The following HLF variants were observed in gnomAD, a reference collection of about 807,000 sequenced individuals.
The protein encoded by HLF is HLF transcription factor, PAR bZIP family member.
Under a neutral mutation model 22.6 loss-of-function variants are expected in HLF, and 3 were observed. The ratio of observed to expected loss-of-function variants is 0.13; its 90% CI spans 0.06 to 0.34. HLF has a LOEUF of 0.34. Ranked by LOEUF, HLF falls within the 10% of genes least tolerant of loss-of-function variation. The pLI is 1.00. For synonymous variants in HLF, 151 were observed against 151.8 expected (o/e 0.99, Z 0.04); for missense variants, 299 against 389.2 (o/e 0.77, Z 1.95).
chr17:55,311,008 G>A (rs1406409540), intron 2 of HLF, among the ~76,000 whole-genome samples: 2 of 152,136 alleles, frequency 1.3e-5, no homozygotes, highest in African/African-American at 4.8e-5. Flanking sequence ...TACTGTGGGT[G>A]TATTCAATAT....
intron 2 of HLF, among the ~76,000 whole-genome samples, chr17:55,305,402 C>T (rs1904499366): frequency 6.6e-6 from 1 of 152,136 alleles, no homozygotes; most frequent in South Asian, 2.1e-4. Flanking sequence ...CTTCCTTGGG[C>T]TCTTGTCCAT....
intron 2 of HLF, among the ~76,000 whole-genome samples, chr17:55,302,435 A>T (rs931886865): frequency 2.6e-5 from 4 of 152,202 alleles, no homozygotes; most frequent in African/African-American, 7.2e-5. Flanking sequence ...AATCCTATTC[A>T]TGTTCATCCA....
Position 55,276,082 on chromosome 17 carries a change from T to G in HLF, c.451+7996T>G, listed in dbSNP as rs956502898. Among the ~76,000 whole-genome samples the G allele has an allele frequency of 1.4e-4, 22 of 152,312 alleles. 1 individual carries two copies. The highest frequency in any genetic ancestry group is 6.8e-3 in the Middle Eastern group (2 of 294). Reference sequence around the variant, plus strand: ...TTGATTGCATCATTACACTCCAGCCTGGGTAACAGAGTGCAACCCTGTATC... The same window carrying G: ...TTGATTGCATCATTACACTCCAGCCGGGGTAACAGAGTGCAACCCTGTATC... On this transcript the variant is annotated intron_variant, in intron 2 of 3. Transcript: ENST00000226067.
At chr17:55,297,946 C>T (rs192237901) in intron 2 of HLF, among the ~76,000 whole-genome samples, 3 of 151,800 alleles carry the variant, frequency 2.0e-5, no homozygotes, top group South Asian at 2.1e-4. Context: ...GACGGAGTTT[C>T]GCCATGTTGG....
In HLF at chr17:55,271,033, G is replaced by C. The variant is rs143371344; in HGVS notation, c.451+2947G>C. Reference sequence around the variant, plus strand: ...TGCAAGTAGGACCCCCAGTGCCCCAGATGTGACAAGTAAAAATGTCTTCAG... The same window carrying C: ...TGCAAGTAGGACCCCCAGTGCCCCACATGTGACAAGTAAAAATGTCTTCAG... On this transcript the variant is annotated intron_variant, in intron 2 of 3. Coordinates refer to ENST00000226067, the MANE Select transcript of HLF (RefSeq NM_002126.5). Among the ~76,000 whole-genome samples the C allele has an allele frequency of 9.2e-5, 14 of 152,296 alleles. 1 individual carries two copies. The East Asian group carries it at 2.7e-3, about 29-fold the overall frequency.
At chr17:55,295,166 C>T (rs1256816698) in intron 2 of HLF, among the ~76,000 whole-genome samples, 1 of 152,110 alleles carries the variant, frequency 6.6e-6, no homozygotes, top group Non-Finnish European at 1.5e-5. Context: ...ATCAGGAAAG[C>T]AAGAATGGCC....
chr17:55,281,282 G>C (rs542260851), intron 2 of HLF, among the ~76,000 whole-genome samples: 1 of 152,278 alleles, frequency 6.6e-6, no homozygotes, highest in South Asian at 2.1e-4. Context: ...GGGAGGCTGA[G>C]GAGGGTGGAT....
intron 2 of HLF, among the ~76,000 whole-genome samples, chr17:55,290,282 C>A (rs535856298): frequency 8.5e-5 from 13 of 152,278 alleles, no homozygotes; most frequent in Middle Eastern, 6.8e-3. Flanking sequence ...TCGGACTTCA[C>A]CATATTACAC....
rs968313974 is a variant in HLF at position 55,268,064 on chromosome 17, T to C, written c.429T>C (p.Cys143=). ...PLHPGIPSPN[C]MQSPIRPGQL... ...ACCCTGGCATCCCATCTCCGAACTG[T>C]ATGCAGAGCCCCATCAGACCAGGTA... Residue 143 remains cysteine (C), a synonymous_variant, in exon 2 of 4, where the codon TGT becomes TGC. Transcript: ENST00000226067. 1 of 1,575,500 alleles carries C rather than the reference T, an allele frequency of 6.3e-7. No homozygotes were observed. Among genetic ancestry groups the C allele is most frequent in the African/African-American group, 1.4e-5 (1 of 73,766 alleles).
rs151132803 is a variant in HLF, at chr17:55,297,843, G to A, written c.452-17384G>A. Reference sequence around the variant, plus strand: ...CAGCTCACTGCAACCTCTGCCTCCCGGGTTCAAGCAGTTCTCCTGTCTCAA... The same window carrying A: ...CAGCTCACTGCAACCTCTGCCTCCCAGGTTCAAGCAGTTCTCCTGTCTCAA... On this transcript the variant is annotated intron_variant, in intron 2 of 3. Coordinates refer to ENST00000226067, the MANE Select transcript of HLF (RefSeq NM_002126.5). Among the ~76,000 whole-genome samples the A allele has an allele frequency of 4.0e-3, 536 of 134,062 alleles. 4 individuals carry two copies. Among genetic ancestry groups the A allele is most frequent in the African/African-American group, 0.014 (484 of 34,860 alleles). The allele number at this position is 134,062 out of a possible 152,430, so 87.9% of individuals were successfully genotyped here. A position where few individuals can be genotyped will look rare whatever the true frequency, so the allele number is the denominator to read the frequency against.
At chr17:55,295,513 G>A (rs2081104203) in intron 2 of HLF, among the ~76,000 whole-genome samples, 1 of 152,262 alleles carries the variant, frequency 6.6e-6, no homozygotes, top group Non-Finnish European at 1.5e-5. Context: ...GGGACCTGCG[G>A]CTCTGCACTG....
intron 2 of HLF, among the ~76,000 whole-genome samples, chr17:55,286,471 C>G (rs1402247933): frequency 6.6e-6 from 1 of 151,982 alleles, no homozygotes; most frequent in Non-Finnish European, 1.5e-5. Flanking sequence ...GGGGTAATCT[C>G]GCTTCCCTCA....
intron 2 of HLF, 73 bp downstream of exon 2, chr17:55,268,159 A>C: frequency 9.0e-7 from 1 of 1,109,600 alleles, no homozygotes; most frequent in African/African-American, 1.6e-5. Context: ...TAGAGTTAGC[A>C]TAAACATCTT....
intron 2 of HLF, among the ~76,000 whole-genome samples, chr17:55,276,280 A>T (rs1264830693): frequency 6.6e-6 from 1 of 152,222 alleles, no homozygotes; most frequent in African/African-American, 2.4e-5. Flanking sequence ...AGAGACAGTG[A>T]TTTAGTAGGG....
intron 2 of HLF, among the ~76,000 whole-genome samples, chr17:55,294,306 G>A (rs145512484): frequency 6.3e-4 from 96 of 152,284 alleles, no homozygotes; most frequent in Admixed American, 1.2e-3. Context: ...TTTCTCCTTC[G>A]ACCATGGTGA....
chr17:55,270,966 T>C (rs1402791323), intron 2 of HLF, among the ~76,000 whole-genome samples: 1 of 152,142 alleles, frequency 6.6e-6, no homozygotes, highest in East Asian at 1.9e-4. Context: ...TGTCTTACGC[T>C]TTATAGGATG....
At chr17:55,297,842 C>T (rs530358061) in intron 2 of HLF, among the ~76,000 whole-genome samples, 18 of 150,764 alleles carry the variant, frequency 1.2e-4, no homozygotes, top group Non-Finnish European at 2.2e-4. Context: ...CTCTGCCTCC[C>T]GGGTTCAAGC....
intron 2 of HLF, among the ~76,000 whole-genome samples, chr17:55,294,275 A>G (rs1038676936): frequency 6.6e-6 from 1 of 152,194 alleles, no homozygotes; most frequent in African/African-American, 2.4e-5. Context: ...GGTCAAGAGA[A>G]TGTGTCTTTC....
At chr17:55,308,695 T>C (rs1032891330) in intron 2 of HLF, among the ~76,000 whole-genome samples, 41 of 152,324 alleles carry the variant, frequency 2.7e-4, no homozygotes, top group Middle Eastern at 3.4e-3. Flanking sequence ...TATAATGTTA[T>C]TGTGGGTGTA....
Sources: allele counts gnomAD v4.1 joint callset (sites outside exome capture counted in the v4.1 genomes callset), GRCh38; gene constraint gnomAD v4.1.1; transcripts MANE v1.5; gene names NCBI Gene and HGNC (gene_info 2026-07-23, HGNC 2026-07-21).